Variants in NMNAT1 observed in about 807,000 individuals in gnomAD.
NMNAT1 encodes nicotinamide/nicotinic acid mononucleotide adenylyltransferase 1.
A neutral mutation model predicts 16.7 loss-of-function variants in NMNAT1; 11 were observed. The observed-to-expected ratio is 0.66, with a 90% CI of 0.41 to 1.09. The LOEUF (loss-of-function observed/expected upper bound fraction) is 1.09. NMNAT1 is among the 50% of genes least tolerant of loss of function. The pLI is 0.00. For synonymous variants in NMNAT1, 110 were observed against 119.8 expected (o/e 0.92, Z 0.53); for missense variants, 280 against 332.3 (o/e 0.84, Z 1.22).
At chr1:9,961,340 T>A (rs535061115) in intron 1 of NMNAT1, among the ~76,000 whole-genome samples, 1 of 152,160 alleles carries the variant, frequency 6.6e-6, no homozygotes, top group Admixed American at 6.6e-5. Flanking sequence ...CTCTTGGGAA[T>A]AGTAACTGAA....
chr1:9,982,242 T>A, intron 4 of NMNAT1, 59 bp from the exon 5 acceptor site: 2 of 1,526,898 alleles, frequency 1.3e-6, no homozygotes, highest in East Asian at 4.5e-5. Flanking sequence ...CCCTTTCCAC[T>A]TGGAGGAGGT....
intron 1 of NMNAT1, among the ~76,000 whole-genome samples, chr1:9,950,299 C>T (rs1641077744): frequency 6.6e-6 from 1 of 152,126 alleles, no homozygotes. Flanking sequence ...ACATGTTGGT[C>T]AGGCTGATCT....
At chr1:9,968,609 A>AAAAAG (rs1641614577) in intron 1 of NMNAT1, among the ~76,000 whole-genome samples, 1 of 138,374 alleles carries the variant, frequency 7.2e-6, no homozygotes, top group South Asian at 2.4e-4. Context: ...TGTACTAAAA[A>AAAAAG]TACAAAAAAT....
intron 2 of NMNAT1, among the ~76,000 whole-genome samples, chr1:9,973,873 T>C (rs1399926786): frequency 2.7e-5 from 4 of 150,866 alleles, no homozygotes; most frequent in African/African-American, 9.7e-5. Flanking sequence ...AGTCTCGCTC[T>C]GTCGCCCAGG....
At chr1:9,955,296 C>T (rs1280518702) in intron 1 of NMNAT1, among the ~76,000 whole-genome samples, 4 of 149,300 alleles carry the variant, frequency 2.7e-5, no homozygotes, top group East Asian at 2.0e-4. Context: ...CCCAGCTACT[C>T]GGGAGGCTGA....
chr1:9,977,520 C>A (rs1334295772), intron 3 of NMNAT1, among the ~76,000 whole-genome samples: 1 of 152,086 alleles, frequency 6.6e-6, no homozygotes, highest in African/African-American at 2.4e-5. Flanking sequence ...AATAGAAACC[C>A]ACTCTGGATA....
chr1:9,967,919 T>G (rs886873283), intron 1 of NMNAT1, among the ~76,000 whole-genome samples: 1 of 152,024 alleles, frequency 6.6e-6, no homozygotes, highest in Non-Finnish European at 1.5e-5. Flanking sequence ...GAGGTTGCAG[T>G]GAGCTGAGAT....
intron 1 of NMNAT1, among the ~76,000 whole-genome samples, chr1:9,966,254 G>A (rs534638160): frequency 2.0e-5 from 3 of 151,926 alleles, no homozygotes; most frequent in Non-Finnish European, 2.9e-5. Flanking sequence ...AGCTGAGATC[G>A]TGCCACTGCA....
chr1:9,982,366 T>C lies in NMNAT1; in HGVS notation c.505T>C (p.Trp169Arg). 1 of 1,614,158 alleles carries C rather than the reference T, an allele frequency of 6.2e-7. No individual in the cohort carries two copies. Among genetic ancestry groups the C allele is most frequent in the Non-Finnish European group, 8.5e-7 (1 of 1,180,042 alleles). The change falls in exon 5 of 5, where the codon TGG becomes CGG. Residue 169 changes from tryptophan (W) to arginine (R), a missense_variant. Physicochemically the swap from Trp to Arg is moderately radical, Grantham distance 101. Coordinates refer to ENST00000377205, the MANE Select transcript of NMNAT1 (RefSeq NM_022787.4). ...GGAGTCCTTTGCTGTTCCCAATTTG[T>C]GGAAGAGTGAAGACATCACCCAAAT... ...LLESFAVPNL[W>R]KSEDITQIVA...
intron 1 of NMNAT1, among the ~76,000 whole-genome samples, chr1:9,949,122 T>C (rs1465460513): frequency 2.0e-5 from 3 of 150,970 alleles, no homozygotes; most frequent in Non-Finnish European, 4.4e-5. Flanking sequence ...ATACAAAAAT[T>C]AGCCGGGCAT....
intron 1 of NMNAT1, among the ~76,000 whole-genome samples, chr1:9,955,492 C>T (rs1442070528): frequency 6.6e-6 from 1 of 151,468 alleles, no homozygotes; most frequent in Non-Finnish European, 1.5e-5. Flanking sequence ...GTAATTGCAG[C>T]TACTAGGGAG....
intron 3 of NMNAT1, among the ~76,000 whole-genome samples, chr1:9,980,390 G>A (rs937116077): frequency 6.6e-6 from 1 of 151,082 alleles, no homozygotes; most frequent in East Asian, 2.0e-4. Context: ...AGGCTGAGGC[G>A]GGCAGATCGC....
intron 3 of NMNAT1, among the ~76,000 whole-genome samples, chr1:9,980,061 A>G (rs1458409298): frequency 6.6e-6 from 1 of 151,180 alleles, no homozygotes; most frequent in Non-Finnish European, 1.5e-5. Flanking sequence ...CCTCCCGAGT[A>G]GCTGGGATTA....
At chr1:9,989,100 C>T (rs1642079166), downstream of NMNAT1, among the ~76,000 whole-genome samples, 1 of 152,076 alleles carries the variant, frequency 6.6e-6, no homozygotes, top group South Asian at 2.1e-4. Context: ...ATTTACATCC[C>T]TGTTTGCCCT....
intron 3 of NMNAT1, among the ~76,000 whole-genome samples, chr1:9,979,801 CA>C (rs1165379193): frequency 0.032 from 2,919 of 90,512 alleles, 51 homozygotes; most frequent in African/African-American, 0.098. Flanking sequence ...GACTCCATCT[CA>C]AAAAAAAAAA....
chr1:9,979,349 G>A (rs576112177), intron 3 of NMNAT1, among the ~76,000 whole-genome samples: 12 of 152,004 alleles, frequency 7.9e-5, no homozygotes, highest in African/African-American at 2.7e-4. Flanking sequence ...GCCTGTAGTC[G>A]CAGCTATCTG....
rs377589904 is a variant in NMNAT1, at chr1:9,944,729, A to G, written c.-57+1214A>G. 3.4e-4 allele frequency among the ~76,000 whole-genome samples: 52 copies of G among 152,332 alleles called. 2 individuals are homozygous for G. Among genetic ancestry groups the G allele is most frequent in the East Asian group, 1.5e-3 (8 of 5,196 alleles). ...AGCTACCCAGGATAAACTTCTAACTATGATTACCACAGAACTCTACCAAAA... is the reference window on the plus strand; with the variant it reads ...AGCTACCCAGGATAAACTTCTAACTGTGATTACCACAGAACTCTACCAAAA... On this transcript the variant is annotated intron_variant, in intron 1 of 4. Coordinates refer to ENST00000377205, the MANE Select transcript of NMNAT1 (RefSeq NM_022787.4).
At chr1:9,974,451 T>A (rs2101699009) in intron 2 of NMNAT1, among the ~76,000 whole-genome samples, 1 of 150,822 alleles carries the variant, frequency 6.6e-6, no homozygotes. Flanking sequence ...TGCAGTGGCA[T>A]GATCTCAGCT....
At position 9,985,051 on chromosome 1, in the gene NMNAT1, T is replaced by A. The variant is rs1186238681; in HGVS notation, c.*2350T>A. ...TTTTCTAGAAGTCCAGAAGTTGTTATATGATGAAATAGCCTCCTTTAACGT... is the reference window on the plus strand; with the variant it reads ...TTTTCTAGAAGTCCAGAAGTTGTTAAATGATGAAATAGCCTCCTTTAACGT... On this transcript the variant is annotated 3_prime_UTR_variant, in exon 5 of 5. Coordinates refer to ENST00000377205, the MANE Select transcript of NMNAT1 (RefSeq NM_022787.4). 3 of 152,156 alleles carry A rather than the reference T, an allele frequency of 2.0e-5. No homozygotes were observed. Among genetic ancestry groups the A allele is most frequent in the African/African-American group, 7.2e-5 (3 of 41,450 alleles). The allele number at this position is 152,156 out of a possible 1,614,324, so 9.4% of individuals were successfully genotyped here. A position where few individuals can be genotyped will look rare whatever the true frequency, so the allele number is the denominator to read the frequency against.
Sources: gnomAD v4.1 joint callset for allele counts (sites outside exome capture counted in the v4.1 genomes callset) on GRCh38, gnomAD v4.1.1 for gene constraint, MANE v1.5 for transcripts, NCBI Gene and HGNC (gene_info 2026-07-23, HGNC 2026-07-21) for gene names.